Variants in FANCB observed in about 807,000 individuals in gnomAD.
FANCB encodes the protein FA complementation group B, also known as Fanconi anemia group B protein.
In FANCB, 5 loss-of-function variants were observed where a neutral mutation model predicts 38.9. The ratio of observed to expected loss-of-function variants is 0.13; its 90% CI spans 0.07 to 0.27. The LOEUF is 0.27. Among genes scored for constraint, FANCB ranks in the 10% least tolerant of loss-of-function variants. FANCB has a pLI of 1.00. For missense variants in FANCB, 573 were observed against 602.7 expected (o/e 0.95, Z 0.52); for synonymous variants, 236 against 215.4 (o/e 1.10, Z -0.84).
At chrX:14,863,972 T>A (rs2092457547) in intron 3 of FANCB, among the ~76,000 whole-genome samples, 1 of 110,398 alleles carries the variant, frequency 9.1e-6, no homozygotes, top group South Asian at 3.9e-4. Context: ...CCATCTCTAC[T>A]AAAAATATAA....
the FANCB span, among the ~76,000 whole-genome samples, chrX:14,710,974 TCA>T: frequency 8.9e-6 from 1 of 112,518 alleles, no homozygotes; most frequent in Non-Finnish European, 1.9e-5. Context: ...CCATGTTCAG[TCA>T]CAGAGTTGTT....
chrX:14,830,378 G>A, the FANCB span, among the ~76,000 whole-genome samples: 1 of 111,089 alleles, frequency 9.0e-6, no homozygotes, highest in East Asian at 2.8e-4. Flanking sequence ...GCAGGGTTGT[G>A]GAGCTTTCAA....
At chrX:14,765,975 C>A in the FANCB span, among the ~76,000 whole-genome samples, 1,580 of 111,544 alleles carry the variant, frequency 0.014, 26 homozygotes, top group African/African-American at 0.042. Context: ...CTCTCCCAGG[C>A]GACACTTAGC....
intron 7 of FANCB, among the ~76,000 whole-genome samples, chrX:14,847,264 AAAAAG>A (rs1355434314): frequency 9.0e-5 from 10 of 111,663 alleles, no homozygotes; most frequent in African/African-American, 2.9e-4. Context: ...AGCATATGAA[AAAAAG>A]AAAAGACAGA....
chrX:14,766,683 A>G, the FANCB span, among the ~76,000 whole-genome samples: 1 of 109,778 alleles, frequency 9.1e-6, no homozygotes, highest in Non-Finnish European at 1.9e-5. Context: ...TTTTTTTTTA[A>G]ATTTTCTTCA....
the FANCB span, among the ~76,000 whole-genome samples, chrX:14,799,459 G>A: frequency 7.0e-4 from 78 of 111,946 alleles, no homozygotes; most frequent in African/African-American, 2.4e-3. Context: ...GTTCTGTTTC[G>A]CTGGCAAACC....
At chrX:14,828,865 T>C in the FANCB span, among the ~76,000 whole-genome samples, 2 of 110,891 alleles carry the variant, frequency 1.8e-5, no homozygotes, top group Non-Finnish European at 3.8e-5. Context: ...ATGTGCACCA[T>C]CTTACCTGCC....
At chrX:14,729,696 G>A in the FANCB span, among the ~76,000 whole-genome samples, 1 of 111,338 alleles carries the variant, frequency 9.0e-6, no homozygotes, top group Non-Finnish European at 1.9e-5. Flanking sequence ...CACCTTAGAT[G>A]TAACATCAAC....
downstream of FANCB, among the ~76,000 whole-genome samples, chrX:14,832,859 C>T (rs2092330772): frequency 8.9e-6 from 1 of 112,054 alleles, no homozygotes; most frequent in Admixed American, 9.5e-5. Context: ...CTGACTCAAG[C>T]TTGAATGCTT....
chrX:14,822,804 ATTAACT>A, the FANCB span, among the ~76,000 whole-genome samples: 12 of 111,428 alleles, frequency 1.1e-4, no homozygotes, highest in South Asian at 3.7e-4. Context: ...GAAAATTCCT[ATTAACT>A]TTATTTCTAG....
chrX:14,709,183 A>G, the FANCB span, among the ~76,000 whole-genome samples: 1 of 111,056 alleles, frequency 9.0e-6, no homozygotes, highest in East Asian at 2.8e-4. Context: ...GCAGTGAGCT[A>G]TGATCACGGC....
At chrX:14,709,887 AAAG>A in the FANCB span, among the ~76,000 whole-genome samples, 1 of 112,252 alleles carries the variant, frequency 8.9e-6, no homozygotes, top group Non-Finnish European at 1.9e-5. Flanking sequence ...CATATTCATT[AAAG>A]AAGAGCTAGC....
In FANCB at chrX:14,858,008, G is replaced by A. The variant is rs374256104; in HGVS notation, c.1105-54C>T. 5.0e-5 allele frequency: 39 copies of A among 774,807 alleles called. 1 individual carries two copies. Among genetic ancestry groups the A allele is most frequent in the African/African-American group, 1.9e-4 (9 of 47,542 alleles). 63.9% of individuals were successfully genotyped at this position (774,807 alleles called of 1,213,427 possible). ...CTAAGACTGAAATTTTGCAACAATTGAAAATTCACAAAACTAACAAAATAC... is the reference window on the plus strand; with the variant it reads ...CTAAGACTGAAATTTTGCAACAATTAAAAATTCACAAAACTAACAAAATAC... On this transcript the variant is annotated intron_variant, in intron 4 of 9. Coordinates refer to ENST00000650831, the MANE Select transcript of FANCB (RefSeq NM_001018113.3).
At chrX:14,733,480 T>C in the FANCB span, among the ~76,000 whole-genome samples, 1 of 112,265 alleles carries the variant, frequency 8.9e-6, no homozygotes, top group Non-Finnish European at 1.9e-5. Context: ...ATTTTCATGA[T>C]ATTGACTCTT....
intron 5 of FANCB, among the ~76,000 whole-genome samples, chrX:14,855,851 G>T (rs1415996932): frequency 8.9e-6 from 1 of 111,816 alleles, no homozygotes; most frequent in African/African-American, 3.3e-5. Flanking sequence ...ATGCTCCCAG[G>T]GCAAAAGTAG....
At position 14,853,023 on chromosome X, in the gene FANCB, A is replaced by G. The variant is rs747443650; in HGVS notation, c.1326+16T>C. 1 of 1,186,082 alleles carries G rather than the reference A, an allele frequency of 8.4e-7. No individual in the cohort carries two copies. Among genetic ancestry groups the G allele is most frequent in the Admixed American group, 2.2e-5 (1 of 45,563 alleles). On this transcript the variant is annotated intron_variant, in intron 6 of 9. Transcript: ENST00000650831. ...CAATTCATAAAATGATAAAATGGTC[A>G]CATGATTACTTTTACCTCCTCTGCA...
At chrX:14,725,303 T>A in the FANCB span, among the ~76,000 whole-genome samples, 4 of 112,063 alleles carry the variant, frequency 3.6e-5, no homozygotes. Context: ...GCCATTCCTC[T>A]TATATCCAGG....
Position 14,859,255 on chromosome X carries a change from A to T in FANCB, c.1031T>A (p.Leu344His). Residue 344 changes from leucine (L) to histidine (H), a missense_variant, in exon 4 of 10, where the codon CTT becomes CAT. Leu to His is a moderately conservative substitution (Grantham distance 99). Transcript: ENST00000650831. Reference protein sequence around the residue: ...IGSGTEQVLLLFKDSLNSDCL... With the variant: ...IGSGTEQVLLHFKDSLNSDCL... Reference sequence around the variant, plus strand: ...GTCTGAGTTCAAGGAGTCCTTAAAAAGTAGGAGTACTTGTTCAGTTCCACT... The same window carrying T: ...GTCTGAGTTCAAGGAGTCCTTAAAATGTAGGAGTACTTGTTCAGTTCCACT... The T allele has an allele frequency of 8.5e-7, 1 of 1,177,436 alleles. No individual in the cohort carries two copies. Among genetic ancestry groups the T allele is most frequent in the Non-Finnish European group, 1.2e-6 (1 of 864,538 alleles).
At chrX:14,857,095 TACAC>T (rs1569088565) in intron 5 of FANCB, among the ~76,000 whole-genome samples, 2 of 111,581 alleles carry the variant, frequency 1.8e-5, no homozygotes, top group Non-Finnish European at 3.8e-5. Context: ...TATACACACA[TACAC>T]ACACAAACAC....
Sources: gnomAD v4.1 joint callset for allele counts (sites outside exome capture counted in the v4.1 genomes callset) on GRCh38, gnomAD v4.1.1 for gene constraint, MANE v1.5 for transcripts, NCBI Gene and HGNC (gene_info 2026-07-23, HGNC 2026-07-21) for gene names.